Variants in DSE observed in about 807,000 individuals in gnomAD.
The protein encoded by DSE is dermatan sulfate epimerase, also known as dermatan-sulfate epimerase.
Under a neutral mutation model 84.4 loss-of-function variants are expected in DSE, and 36 were observed. That is an observed-to-expected ratio of 0.43 (90% CI 0.33 to 0.56). The LOEUF (loss-of-function observed/expected upper bound fraction) is 0.56. Among genes scored for constraint, DSE ranks in the 20% least tolerant of loss-of-function variants. The pLI, the probability that DSE is intolerant of heterozygous loss-of-function variation, is 0.06. For synonymous variants in DSE, 410 were observed against 430.1 expected (o/e 0.95, Z 0.58); for missense variants, 862 against 1,169.6 (o/e 0.74, Z 3.84).
At chr6:116,343,975 A>G (rs1562242896) in intron 2 of DSE, among the ~76,000 whole-genome samples, 1 of 152,214 alleles carries the variant, frequency 6.6e-6, no homozygotes, top group Non-Finnish European at 1.5e-5. Context: ...ATGGCATGAG[A>G]ACTACGTGAT....
chr6:116,307,936 A>G (rs1775445460), intron 2 of DSE, among the ~76,000 whole-genome samples: 1 of 152,252 alleles, frequency 6.6e-6, no homozygotes, highest in Non-Finnish European at 1.5e-5. Context: ...TAATTCTTTC[A>G]ATAGTCATCT....
chr6:116,304,843 T>G (rs538698476), intron 2 of DSE, among the ~76,000 whole-genome samples: 18 of 152,312 alleles, frequency 1.2e-4, no homozygotes, highest in African/African-American at 4.3e-4. Flanking sequence ...TGTGAGATGG[T>G]TGTCATTCTA....
intron 2 of DSE, among the ~76,000 whole-genome samples, chr6:116,326,460 A>T (rs1776626193): frequency 6.6e-6 from 1 of 152,122 alleles, no homozygotes; most frequent in African/African-American, 2.4e-5. Flanking sequence ...TCCTTAGGGT[A>T]TCTTGCTGAT....
At chr6:116,274,993 TA>T (rs1773060421) in intron 2 of DSE, among the ~76,000 whole-genome samples, 1 of 152,186 alleles carries the variant, frequency 6.6e-6, no homozygotes, top group African/African-American at 2.4e-5. Flanking sequence ...TGAGGATAAT[TA>T]ATTTTTCAAT....
chr6:116,369,811 A>T, upstream of DSE: 24 of 883,750 alleles, frequency 2.7e-5, no homozygotes, highest in Admixed American at 3.1e-4. Context: ...TTTTTTCCTT[A>T]TTTGGCCAAA....
At chr6:116,375,750 C>T (rs1195329552) in intron 1 of DSE, among the ~76,000 whole-genome samples, 2 of 152,172 alleles carry the variant, frequency 1.3e-5, no homozygotes, top group Admixed American at 1.3e-4. Flanking sequence ...AAAGGAAAAT[C>T]CCTGAACATA....
In DSE at chr6:116,279,182, C is replaced by T. The variant is rs1171402604; in HGVS notation, c.-54+20215C>T. Reference sequence around the variant, plus strand: ...TCATGCAAAGGCCAGGGCCCTTCTTCCTCCCTCGCCTCCTCCTCCAATCTA... The same window carrying T: ...TCATGCAAAGGCCAGGGCCCTTCTTTCTCCCTCGCCTCCTCCTCCAATCTA... On this transcript the variant is annotated intron_variant, in intron 2 of 3. Coordinates refer to the DSE transcript ENST00000430252. The T allele has an allele frequency of 2.5e-6, 4 of 1,611,892 alleles. No individual in the cohort carries two copies. Among genetic ancestry groups the T allele is most frequent in the Non-Finnish European group, 3.4e-6 (4 of 1,179,704 alleles).
chr6:116,421,957 T>C (rs1466257047), intron 2 of DSE, among the ~76,000 whole-genome samples: 1 of 152,200 alleles, frequency 6.6e-6, no homozygotes, highest in African/African-American at 2.4e-5. Context: ...TAATTGTGAA[T>C]ATTCTTCTTT....
At position 116,440,094 on chromosome 6, in the gene DSE, T is replaced by C. The variant is rs1196719400; in HGVS notation, c.*2749T>C. On this transcript the variant is annotated 3_prime_UTR_variant, in exon 6 of 6. Coordinates refer to ENST00000644252, the MANE Select transcript of DSE (RefSeq NM_013352.4). ...CATTGTTTTAATCGTCAAAGTCAGG[T>C]GGAAGACCGTGTTCTGGAACTATTT... 1.3e-5 allele frequency: 2 copies of C among 152,110 alleles called. No homozygotes were observed. The highest frequency in any genetic ancestry group is 2.9e-5 in the Non-Finnish European group (2 of 68,006). 9.4% of individuals were successfully genotyped at this position (152,110 alleles called of 1,614,324 possible). A position where few individuals can be genotyped will look rare whatever the true frequency, so the allele number is the denominator to read the frequency against.
At chr6:116,283,457 A>G (rs192690341) in intron 2 of DSE, among the ~76,000 whole-genome samples, 100 of 152,288 alleles carry the variant, frequency 6.6e-4, no homozygotes, top group African/African-American at 2.2e-3. Context: ...ATCTCATGGG[A>G]TGGGAGCATA....
intron 2 of DSE, among the ~76,000 whole-genome samples, chr6:116,291,852 T>C (rs898321856): frequency 6.6e-6 from 1 of 152,080 alleles, no homozygotes; most frequent in Admixed American, 6.6e-5. Context: ...AAAAACTAGA[T>C]ATGAAAGTAG....
intron 3 of DSE, among the ~76,000 whole-genome samples, chr6:116,429,780 C>G (rs1392993266): frequency 2.1e-5 from 1 of 48,322 alleles, no homozygotes; most frequent in Non-Finnish European, 4.2e-5. Flanking sequence ...AACCCCGTCT[C>G]TACTAAAAAT....
At chr6:116,302,658 G>T (rs1775109378) in intron 2 of DSE, among the ~76,000 whole-genome samples, 1 of 152,072 alleles carries the variant, frequency 6.6e-6, no homozygotes, top group Non-Finnish European at 1.5e-5. Flanking sequence ...GATCCTATTT[G>T]TCTATTTTAG....
chr6:116,362,217 T>C (rs1778941164), intron 2 of DSE, among the ~76,000 whole-genome samples: 1 of 152,260 alleles, frequency 6.6e-6, no homozygotes, highest in Non-Finnish European at 1.5e-5. Context: ...AACTATTGGC[T>C]TAGGCCAGTG....
At chr6:116,356,696 C>G (rs1054647219) in intron 2 of DSE, among the ~76,000 whole-genome samples, 2 of 152,120 alleles carry the variant, frequency 1.3e-5, no homozygotes, top group Non-Finnish European at 2.9e-5. Context: ...ATTCTGGTAA[C>G]CTGAGTTGTT....
At chr6:116,279,415 C>T (rs1371094545) in intron 2 of DSE, 1 of 1,613,432 alleles carries the variant, frequency 6.2e-7, no homozygotes, top group South Asian at 1.1e-5. Flanking sequence ...AGACGCGGAT[C>T]TCTGGGCGCC....
chr6:116,305,632 C>CT (rs906728776), intron 2 of DSE, among the ~76,000 whole-genome samples: 37 of 151,688 alleles, frequency 2.4e-4, no homozygotes, highest in African/African-American at 7.5e-4. Flanking sequence ...ATAGAGTATC[C>CT]TTTTTTTTGT....
At chr6:116,355,385 G>C (rs1778519064) in intron 2 of DSE, among the ~76,000 whole-genome samples, 1 of 152,128 alleles carries the variant, frequency 6.6e-6, no homozygotes, top group South Asian at 2.1e-4. Flanking sequence ...TCAGGTTACT[G>C]CTTATTTACC....
chr6:116,306,078 A>C (rs966704603), intron 2 of DSE, among the ~76,000 whole-genome samples: 1 of 152,216 alleles, frequency 6.6e-6, no homozygotes, highest in African/African-American at 2.4e-5. Flanking sequence ...GTATAGATAC[A>C]CATACACATC....
Sources: allele counts gnomAD v4.1 joint callset (sites outside exome capture counted in the v4.1 genomes callset), GRCh38; gene constraint gnomAD v4.1.1; transcripts MANE v1.5; gene names NCBI Gene and HGNC (gene_info 2026-07-23, HGNC 2026-07-21).